CHODL: variants seen among roughly 807,000 people sequenced by gnomAD.
CHODL encodes transmembrane protein MT75.
CHODL carries 29 observed loss-of-function variants against 34.5 expected under a neutral mutation model. The ratio of observed to expected loss-of-function variants is 0.84; its 90% confidence interval spans 0.63 to 1.15. The LOEUF (loss-of-function observed/expected upper bound fraction) is 1.15, where lower values mean the gene tolerates loss of function less well. Ranked by LOEUF, CHODL falls within the 50% of genes most tolerant of loss-of-function variation. CHODL has a pLI of 0.00. For missense variants in CHODL, 332 were observed against 332.5 expected, an observed-to-expected ratio of 1.00 and a Z score of 0.01; for synonymous variants, 125 against 116.1, an observed-to-expected ratio of 1.08 and a Z score of -0.49.
chr21:18,040,115 A>G (rs1400899050), intron 2 of CHODL, among the ~76,000 whole-genome samples: 1 of 151,872 alleles, frequency 6.6e-6, no homozygotes, highest in East Asian at 1.9e-4. Flanking sequence ...CTTATAATTT[A>G]TTTGTTAAAG....
Position 18,177,061 on chromosome 21 carries a change from TA to T in CHODL, c.-44-79442del, listed in dbSNP as rs201882821. The stretch of plus-strand genomic sequence containing the variant: ...TAACAAAATGTTATTAAAATTATAT[TA>T]AAAAATAAAGAATTTAAATCAAGAA... On this transcript the variant is annotated intron_variant, in intron 2 of 6. Transcript: ENST00000400127. Among the ~76,000 whole-genome samples, 113 of 152,136 alleles carry T rather than the reference TA, an allele frequency of 7.4e-4. 1 individual carries two copies. In the East Asian group the frequency reaches 0.016, roughly 22 times the overall value.
At chr21:18,095,971 T>C (rs912283761) in intron 2 of CHODL, among the ~76,000 whole-genome samples, 9 of 152,166 alleles carry the variant, frequency 5.9e-5, no homozygotes, top group African/African-American at 2.2e-4. Flanking sequence ...TGATAAATGT[T>C]TCGGGAAGTC....
At chr21:18,101,572 A>G (rs549357948) in intron 2 of CHODL, among the ~76,000 whole-genome samples, 52 of 152,298 alleles carry the variant, frequency 3.4e-4, no homozygotes, top group South Asian at 1.9e-3. Context: ...TTTTTTTGAG[A>G]CAGTCAAAAA....
At chr21:18,244,648 G>A (rs2074114324), upstream of CHODL, among the ~76,000 whole-genome samples, 1 of 152,168 alleles carries the variant, frequency 6.6e-6, no homozygotes. Context: ...GAGGGGACAG[G>A]GAGGAGGGGA....
chr21:17,945,705 T>A (rs555743485), intron 1 of CHODL, among the ~76,000 whole-genome samples: 1 of 152,228 alleles, frequency 6.6e-6, no homozygotes, highest in East Asian at 1.9e-4. Context: ...ATGGCTAAAA[T>A]TTTCCTAATC....
At chr21:17,968,741 C>A (rs921220863) in intron 1 of CHODL, among the ~76,000 whole-genome samples, 1 of 152,160 alleles carries the variant, frequency 6.6e-6, no homozygotes, top group Admixed American at 6.5e-5. Flanking sequence ...CAGAGTTCAT[C>A]TGGAATTTCT....
intron 2 of CHODL, among the ~76,000 whole-genome samples, chr21:18,192,085 A>G (rs186168159): frequency 6.6e-6 from 1 of 152,328 alleles, no homozygotes; most frequent in Non-Finnish European, 1.5e-5. Flanking sequence ...ACCCTCTGGA[A>G]GAACTACATA....
chr21:18,250,066 A>G (rs73318240), intron 1 of CHODL, among the ~76,000 whole-genome samples: 10,698 of 152,204 alleles, frequency 0.07, 1,243 homozygotes, highest in African/African-American at 0.24. Context: ...ATGAGGTGCT[A>G]CATTCTAAAT....
chr21:18,067,231 G>A (rs1217404466), intron 2 of CHODL, among the ~76,000 whole-genome samples: 2 of 152,136 alleles, frequency 1.3e-5, no homozygotes, highest in Non-Finnish European at 2.9e-5. Flanking sequence ...GTTGAATTGT[G>A]TTCCTCCAAA....
chr21:18,249,194 A>G (rs2095636511), intron 1 of CHODL, among the ~76,000 whole-genome samples: 1 of 145,200 alleles, frequency 6.9e-6, no homozygotes, highest in Non-Finnish European at 1.5e-5. Context: ...CTCACAAACA[A>G]TTTTTACTAT....
intron 1 of CHODL, among the ~76,000 whole-genome samples, chr21:17,927,112 A>ATCTGTGTG (rs2063232037): frequency 7.5e-6 from 1 of 132,584 alleles, no homozygotes; most frequent in African/African-American, 3.5e-5. Context: ...GTGTATGTAT[A>ATCTGTGTG]TATGTATATA....
chr21:18,072,119 C>T (rs1011164695), intron 2 of CHODL, among the ~76,000 whole-genome samples: 9 of 151,800 alleles, frequency 5.9e-5, no homozygotes, highest in South Asian at 2.1e-4. Flanking sequence ...TTAAAAACAA[C>T]GTTCTTAATT....
chr21:18,091,172 G>C (rs964969813), intron 2 of CHODL, among the ~76,000 whole-genome samples: 1 of 152,220 alleles, frequency 6.6e-6, no homozygotes, highest in Admixed American at 6.5e-5. Context: ...CCTAGCTAGA[G>C]GTAATTGCCC....
At chr21:18,129,547 G>C (rs1331387056) in intron 2 of CHODL, among the ~76,000 whole-genome samples, 1 of 152,156 alleles carries the variant, frequency 6.6e-6, no homozygotes, top group African/African-American at 2.4e-5. Context: ...GAGAGTTCTT[G>C]AGTTCTTCAA....
At chr21:18,261,464 G>A (rs547916964) in intron 4 of CHODL, among the ~76,000 whole-genome samples, 4 of 151,998 alleles carry the variant, frequency 2.6e-5, no homozygotes, top group Admixed American at 6.5e-5. Flanking sequence ...TCAGGAGTTC[G>A]AGACCAGCTT....
intron 1 of CHODL, among the ~76,000 whole-genome samples, chr21:18,008,084 G>T (rs2146408432): frequency 6.6e-6 from 1 of 152,002 alleles, no homozygotes; most frequent in Middle Eastern, 3.4e-3. Flanking sequence ...AGTAAAATGT[G>T]TTAAGTTGAA....
intron 1 of CHODL, among the ~76,000 whole-genome samples, chr21:17,950,149 A>G (rs1011749853): frequency 6.6e-6 from 1 of 152,156 alleles, no homozygotes. Context: ...AAGCTATGAG[A>G]AGAAATAGAC....
In CHODL at chr21:18,188,575, G is replaced by A. The variant is rs139485883; in HGVS notation, c.-44-67934G>A. ...AGTGCTACATGCCACATTGCTGTCT[G>A]GGATGTTTCCCACCATCAGAAGCAA... On this transcript the variant is annotated intron_variant, in intron 2 of 6. Coordinates refer to the CHODL transcript ENST00000400127. 2.4e-3 allele frequency among the ~76,000 whole-genome samples: 361 copies of A among 152,318 alleles called. 1 individual carries two copies. The highest frequency in any genetic ancestry group is 8.0e-3 in the African/African-American group (334 of 41,580).
At chr21:17,976,198 G>T (rs1207477436) in intron 1 of CHODL, among the ~76,000 whole-genome samples, 1 of 143,780 alleles carries the variant, frequency 7.0e-6, no homozygotes, top group East Asian at 2.2e-4. Flanking sequence ...TTGAGCCCAG[G>T]AGGCGGATAT....
Sources: gnomAD v4.1 joint callset for allele counts (sites outside exome capture counted in the v4.1 genomes callset) on GRCh38, gnomAD v4.1.1 for gene constraint, MANE v1.5 for transcripts, NCBI Gene and HGNC (gene_info 2026-07-23, HGNC 2026-07-21) for gene names.